The following ADAM9 variants were observed in gnomAD, a reference collection of about 807,000 sequenced individuals.
ADAM9 encodes the protein ADAM metallopeptidase domain 9, also known as disintegrin and metalloproteinase domain-containing protein 9.
Under a neutral mutation model 108.1 loss-of-function variants are expected in ADAM9, and 54 were observed. That is an observed-to-expected ratio of 0.50 (90% CI 0.40 to 0.63). The LOEUF (loss-of-function observed/expected upper bound fraction) is 0.63. ADAM9 is among the 20% of genes least tolerant of loss of function. The pLI is 0.00. For synonymous variants in ADAM9, 316 were observed against 336.0 expected (o/e 0.94, Z 0.65); for missense variants, 830 against 997.7 (o/e 0.83, Z 2.26).
Position 39,036,296 on chromosome 8 carries a change from A to G in ADAM9, c.1131-5650A>G, listed in dbSNP as rs112141513. On this transcript the variant is annotated intron_variant, in intron 11 of 21. Transcript: ENST00000487273. Reference sequence around the variant, plus strand: ...TGCCCCTCAATGTCAGCAAGCTTCCATCAGCAAGCTTCCATAATCAGGTGT... The same window carrying G: ...TGCCCCTCAATGTCAGCAAGCTTCCGTCAGCAAGCTTCCATAATCAGGTGT... 7.1e-3 allele frequency among the ~76,000 whole-genome samples: 1,075 copies of G among 152,230 alleles called. 18 individuals carry two copies. Among genetic ancestry groups the G allele is most frequent in the African/African-American group, 0.025 (1,023 of 41,524 alleles).
At chr8:39,003,310 A>G (rs1388930630) in intron 1 of ADAM9, among the ~76,000 whole-genome samples, 1 of 152,062 alleles carries the variant, frequency 6.6e-6, no homozygotes. Context: ...CAACTGGGGG[A>G]TGCTGTTGGC....
At position 39,013,976 on chromosome 8, in the gene ADAM9, C is replaced by T; in HGVS notation, c.266C>T (p.Pro89Leu). ...TATTTCTCTTCCAGAGACCTTTTGC[C>T]TGAAGATTTTGTGGTTTATACTTAC... ...IHLERNKDLL[P>L]EDFVVYTYNK... The change falls in exon 4 of 22, where the codon CCT (proline) becomes CTT (leucine). Residue 89 changes from proline (P) to leucine (L), a missense_variant. Pro to Leu is a moderately conservative substitution (Grantham distance 98). Transcript: ENST00000487273. 1 of 1,613,232 alleles carries T rather than the reference C, an allele frequency of 6.2e-7. No homozygotes were observed. Among genetic ancestry groups the T allele is most frequent in the South Asian group, 1.1e-5 (1 of 91,056 alleles).
At chr8:39,010,072 G>A (rs1030334107) in intron 2 of ADAM9, among the ~76,000 whole-genome samples, 1 of 151,868 alleles carries the variant, frequency 6.6e-6, no homozygotes, top group Admixed American at 6.6e-5. Flanking sequence ...TGAGTTGCTG[G>A]GGAGAGGATT....
At chr8:39,091,870 C>T (rs987710928) in intron 20 of ADAM9, among the ~76,000 whole-genome samples, 1 of 152,140 alleles carries the variant, frequency 6.6e-6, no homozygotes, top group African/African-American at 2.4e-5. Context: ...GAATGCCTTG[C>T]CTAGCAACCA....
intron 7 of ADAM9, among the ~76,000 whole-genome samples, chr8:39,019,370 T>A (rs935465494): frequency 6.6e-6 from 1 of 152,214 alleles, no homozygotes; most frequent in South Asian, 2.1e-4. Flanking sequence ...TAGAAGGGAA[T>A]AGTATTAATT....
intron 21 of ADAM9, among the ~76,000 whole-genome samples, chr8:39,102,830 A>G (rs1010674684): frequency 6.6e-6 from 1 of 152,232 alleles, no homozygotes; most frequent in African/African-American, 2.4e-5. Flanking sequence ...GACTCAATGG[A>G]TGGGCTTAAA....
intron 12 of ADAM9, among the ~76,000 whole-genome samples, chr8:39,045,385 G>GTGCGTGTGTGTACACACACCTATATGTGC (rs1554579176): frequency 6.3e-5 from 1 of 15,950 alleles, no homozygotes; most frequent in African/African-American, 2.4e-4. Context: ...TACACCTATA[G>GTGCGTGTGTGTACACACACCTATATGTGC]GTGTGTGTAC....
chr8:39,102,461 C>G (rs1020384493), intron 21 of ADAM9, among the ~76,000 whole-genome samples: 1 of 152,078 alleles, frequency 6.6e-6, no homozygotes, highest in African/African-American at 2.4e-5. Context: ...TACAAACTCA[C>G]AGGGCAGAGG....
At chr8:39,071,757 G>T (rs573437603) in intron 15 of ADAM9, among the ~76,000 whole-genome samples, 10 of 152,286 alleles carry the variant, frequency 6.6e-5, no homozygotes, top group African/African-American at 2.2e-4. Context: ...GAGCCACTGT[G>T]CCCGGCCGTC....
intron 20 of ADAM9, among the ~76,000 whole-genome samples, chr8:39,098,598 GT>G (rs1448029594): frequency 3.9e-5 from 6 of 152,066 alleles, no homozygotes; most frequent in Non-Finnish European, 1.5e-5. Flanking sequence ...GTTCTACTTA[GT>G]TCTATTTCGA....
At chr8:39,010,238 CAT>C (rs1162708934) in intron 2 of ADAM9, among the ~76,000 whole-genome samples, 4 of 152,154 alleles carry the variant, frequency 2.6e-5, no homozygotes, top group Non-Finnish European at 5.9e-5. Context: ...TTTTAGTAGA[CAT>C]AGCAGTGATG....
intron 14 of ADAM9, among the ~76,000 whole-genome samples, chr8:39,070,759 TAAAA>T (rs79278083): frequency 7.4e-6 from 1 of 135,052 alleles, no homozygotes; most frequent in Non-Finnish European, 1.6e-5. Flanking sequence ...TCCTGTCTCT[TAAAA>T]AAAAAAAAAA....
intron 20 of ADAM9, among the ~76,000 whole-genome samples, chr8:39,098,361 G>A (rs1839575735): frequency 1.3e-5 from 2 of 152,114 alleles, no homozygotes; most frequent in African/African-American, 4.8e-5. Context: ...TATTGCCTCT[G>A]TCTCATTATC....
intron 2 of ADAM9, 91 bp from the exon 3 acceptor site, chr8:39,011,567 G>C (rs911153888): frequency 2.5e-6 from 3 of 1,184,266 alleles, no homozygotes; most frequent in Admixed American, 3.5e-5. Flanking sequence ...TTTTAATTCA[G>C]GATGGAATTT....
At chr8:39,062,937 G>C (rs1380959535) in intron 14 of ADAM9, among the ~76,000 whole-genome samples, 1 of 152,160 alleles carries the variant, frequency 6.6e-6, no homozygotes, top group Non-Finnish European at 1.5e-5. Flanking sequence ...GATAGGCCCT[G>C]CATTCCTGAC....
rs1258447921 is a variant in ADAM9, at chr8:39,007,970, C to T, written c.182C>T (p.Pro61Leu). The T allele has an allele frequency of 7.5e-6, 12 of 1,602,206 alleles. No individual in the cohort carries two copies. Among genetic ancestry groups the T allele is most frequent in the East Asian group, 6.7e-5 (3 of 44,758 alleles). The change falls in exon 2 of 22, where the codon CCC (proline) becomes CTC (leucine). Residue 61 changes from proline to leucine, a missense_variant. Transcript: ENST00000487273. ...LTRERREAPR[P>L]YSKQVSYVIQ... ...AGAGAAAGAAGAGAAGCCCCTAGGC[C>T]CTATTCAAAACAAGTAAGTTATAAT... is the stretch of plus-strand genomic sequence containing the variant.
intron 11 of ADAM9, among the ~76,000 whole-genome samples, chr8:39,037,074 T>TG (rs1837301460): frequency 1.3e-5 from 1 of 76,742 alleles, no homozygotes; most frequent in Non-Finnish European, 2.7e-5. Flanking sequence ...TTTTTTTTTT[T>TG]GAGACGGAGT....
intron 11 of ADAM9, among the ~76,000 whole-genome samples, chr8:39,038,384 C>T (rs1837350264): frequency 6.6e-6 from 1 of 152,012 alleles, no homozygotes; most frequent in Non-Finnish European, 1.5e-5. Flanking sequence ...ATTTGCTATT[C>T]CTTCTTTCTA....
intron 6 of ADAM9, among the ~76,000 whole-genome samples, chr8:39,017,819 C>G (rs1283560430): frequency 1.3e-5 from 2 of 152,120 alleles, no homozygotes; most frequent in Non-Finnish European, 2.9e-5. Flanking sequence ...TCTTGAACCC[C>G]TGGTATCAAG....
Sources: gnomAD v4.1 joint callset for allele counts (sites outside exome capture counted in the v4.1 genomes callset) on GRCh38, gnomAD v4.1.1 for gene constraint, MANE v1.5 for transcripts, NCBI Gene and HGNC (gene_info 2026-07-23, HGNC 2026-07-21) for gene names.